Variants in STK38 observed in about 807,000 individuals in gnomAD.
The protein encoded by STK38 is serine/threonine-protein kinase 38.
A neutral mutation model predicts 59.0 loss-of-function variants in STK38; 26 were observed. That is an observed-to-expected ratio of 0.44 (90% CI 0.32 to 0.61). STK38 has a LOEUF of 0.61. STK38 is among the 20% of genes least tolerant of loss of function. STK38 has a pLI of 0.04. For synonymous variants in STK38, 175 were observed against 176.6 expected (o/e 0.99, Z 0.07); for missense variants, 433 against 566.0 (o/e 0.76, Z 2.38).
intron 2 of STK38, among the ~76,000 whole-genome samples, chr6:36,525,885 G>T (rs567713484): frequency 1.2e-4 from 18 of 152,172 alleles, no homozygotes; most frequent in African/African-American, 4.3e-4. Flanking sequence ...ACAGAGTTTT[G>T]TTCTGTCACC....
In STK38 at chr6:36,505,743, CT is replaced by C. The variant is rs148698661; in HGVS notation, c.834+839del. Among the ~76,000 whole-genome samples, 469 of 152,300 alleles carry C rather than the reference CT, an allele frequency of 3.1e-3. 1 individual carries two copies. The highest frequency in any genetic ancestry group is 0.011 in the African/African-American group (440 of 41,570). ...TCAGTTTCCCATTGCTGCTACTCTG[CT>C]TTCTAATGACCAAATGTTAGTTTGG... On this transcript the variant is annotated intron_variant, in intron 9 of 13. Coordinates refer to ENST00000229812, the MANE Select transcript of STK38 (RefSeq NM_007271.4).
rs146026624 is a variant in STK38, at chr6:36,531,413, G to A, written c.132-5771C>T. On this transcript the variant is annotated intron_variant, in intron 2 of 13. Transcript: ENST00000229812. ...AAATGTTTTGTAAAAAGAAATGCCG[G>A]TTTCTTCAGATTTGATTTCAAACTG... is the stretch of plus-strand genomic sequence containing the variant. Among the ~76,000 whole-genome samples the A allele has an allele frequency of 1.2e-3, 179 of 152,274 alleles. 3 individuals carry two copies. In the East Asian group the frequency reaches 0.03, roughly 26 times the overall value.
At chr6:36,524,307 A>G in intron 4 of STK38, 34 bp downstream of exon 4, 2 of 1,588,652 alleles carry the variant, frequency 1.3e-6, no homozygotes, top group Non-Finnish European at 1.7e-6. Flanking sequence ...GTTTTGCAAT[A>G]TTTTTCTACT....
chr6:36,525,492 G>C, intron 3 of STK38, 99 bp downstream of exon 3: 1 of 1,134,100 alleles, frequency 8.8e-7, no homozygotes, highest in East Asian at 2.5e-5. Flanking sequence ...CTGTTATTGA[G>C]CCAAAACCCT....
intron 7 of STK38, 134 bp downstream of exon 7, chr6:36,515,204 T>TAA: frequency 3.5e-5 from 32 of 905,200 alleles, no homozygotes; most frequent in Non-Finnish European, 4.4e-5. Context: ...CTTACCTGTT[T>TAA]AAAAAAAAAA....
At position 36,539,962 on chromosome 6, in the gene STK38, T is replaced by A. The variant is rs1391395959; in HGVS notation, c.131+110A>T. On this transcript the variant is annotated intron_variant, in intron 2 of 13. Transcript: ENST00000229812. ...TCACTGTCATTCCATTATGATAGTC[T>A]ATAATAAGGCTGCTACTATTCTTGT... is the stretch of plus-strand genomic sequence containing the variant. The A allele has an allele frequency of 1.3e-5, 19 of 1,513,116 alleles. No homozygotes were observed. In the Admixed American group the frequency reaches 2.9e-4, roughly 23 times the overall value. 93.7% of individuals were successfully genotyped at this position (1,513,116 alleles called of 1,614,324 possible).
chr6:36,527,191 C>CA (rs777770396), intron 2 of STK38, among the ~76,000 whole-genome samples: 3,545 of 45,770 alleles, frequency 0.077, 106 homozygotes, highest in Non-Finnish European at 0.091. Context: ...GACTCCGTCT[C>CA]AAAAAAAAAA....
chr6:36,544,015 T>C (rs1778003893), intron 1 of STK38, among the ~76,000 whole-genome samples: 1 of 152,200 alleles, frequency 6.6e-6, no homozygotes, highest in South Asian at 2.1e-4. Context: ...TTTAAATTGT[T>C]TTGTGGATTA....
chr6:36,498,401 T>G lies in STK38; in HGVS notation c.1038A>C (p.Glu346Asp). 1 of 1,614,086 alleles carries G rather than the reference T, an allele frequency of 6.2e-7. No individual in the cohort carries two copies. The highest frequency in any genetic ancestry group is 8.5e-7 in the Non-Finnish European group (1 of 1,179,984). Residue 346 changes from glutamate to aspartate, a missense_variant, in exon 11 of 14, where the codon GAA becomes GAC. Around this residue, in one of 3 missense-constraint regions of STK38, gnomAD observed 136 missense variants for 156.7 expected, o/e 0.87. Transcript: ENST00000229812. ...CCTTGGCTTTCTCAGAGATGGGAAC[T>G]TCTGGAGGAAAAGTCAAAGTTTCTT... Reference protein sequence around the residue: ...NWKETLTFPPEVPISEKAKDL... With the variant: ...NWKETLTFPPDVPISEKAKDL...
intron 9 of STK38, among the ~76,000 whole-genome samples, chr6:36,501,721 G>A (rs868504483): frequency 5.3e-5 from 8 of 151,996 alleles, no homozygotes; most frequent in African/African-American, 1.5e-4. Flanking sequence ...CACCGCAACC[G>A]GCCTTGTTTG....
In STK38 at chr6:36,495,524, C is replaced by A; in HGVS notation, c.*260G>T. On this transcript the variant is annotated 3_prime_UTR_variant, in exon 14 of 14. Coordinates refer to ENST00000229812, the MANE Select transcript of STK38 (RefSeq NM_007271.4). Reference sequence around the variant, plus strand: ...GAAAACTCAAGTTATTTTTAAAACACCTATCAAATTGGCTCATGATGCTTC... The same window carrying A: ...GAAAACTCAAGTTATTTTTAAAACAACTATCAAATTGGCTCATGATGCTTC... The A allele has an allele frequency of 5.8e-6, 2 of 347,022 alleles. No individual in the cohort carries two copies. The highest frequency in any genetic ancestry group is 5.4e-6 in the Non-Finnish European group (1 of 186,766). 21.5% of individuals were successfully genotyped at this position (347,022 alleles called of 1,614,324 possible). A position where few individuals can be genotyped will look rare whatever the true frequency, so the allele number is the denominator to read the frequency against.
intron 9 of STK38, among the ~76,000 whole-genome samples, chr6:36,503,349 A>AT (rs1221862396): frequency 5.3e-5 from 8 of 152,132 alleles, no homozygotes; most frequent in Non-Finnish European, 1.2e-4. Flanking sequence ...TTCTTTAAAA[A>AT]TTTTTAAAGT....
chr6:36,525,343 C>T (rs74368467), intron 3 of STK38, among the ~76,000 whole-genome samples: 1,971 of 152,268 alleles, frequency 0.013, 22 homozygotes, highest in Non-Finnish European at 0.019. Context: ...TTGATTTCAT[C>T]CCTGCTTTCT....
intron 1 of STK38, among the ~76,000 whole-genome samples, chr6:36,541,991 G>C (rs1035611796): frequency 1.3e-5 from 2 of 151,864 alleles, no homozygotes; most frequent in Non-Finnish European, 2.9e-5. Context: ...ACTGTGCCCA[G>C]CTAATTTTTT....
chr6:36,514,392 C>T (rs1777195760), intron 7 of STK38, among the ~76,000 whole-genome samples: 1 of 151,328 alleles, frequency 6.6e-6, no homozygotes, highest in Non-Finnish European at 1.5e-5. Context: ...AGAAAAATAC[C>T]CTAGAAAATA....
intron 11 of STK38, 59 bp from the exon 12 acceptor site, chr6:36,497,934 CT>C (rs1561970481): frequency 2.0e-6 from 2 of 1,024,042 alleles, no homozygotes; most frequent in African/African-American, 1.8e-5. Context: ...AAAAGAAAAA[CT>C]TTCTTTTTTT....
At chr6:36,500,483 C>A (rs1363920833) in intron 9 of STK38, among the ~76,000 whole-genome samples, 1 of 151,910 alleles carries the variant, frequency 6.6e-6, no homozygotes, top group Non-Finnish European at 1.5e-5. Flanking sequence ...AATATCTGGC[C>A]GGGAGTGGTG....
intron 3 of STK38, 119 bp downstream of exon 3, chr6:36,525,472 T>C: frequency 1.2e-6 from 1 of 823,608 alleles, no homozygotes; most frequent in South Asian, 1.6e-5. Flanking sequence ...ACACTACCCC[T>C]CAAGTTCCTC....
At chr6:36,531,359 T>C (rs970308923) in intron 2 of STK38, among the ~76,000 whole-genome samples, 11 of 146,966 alleles carry the variant, frequency 7.5e-5, no homozygotes, top group African/African-American at 2.8e-4. Context: ...TCCACCTAAC[T>C]AGTATTCATG....
Sources: gnomAD v4.1 joint callset for allele counts (sites outside exome capture counted in the v4.1 genomes callset) on GRCh38, gnomAD v4.1.1 for gene constraint, gnomAD v4.1.1 regional missense constraint, MANE v1.5 for transcripts, NCBI Gene and HGNC (gene_info 2026-07-23, HGNC 2026-07-21) for gene names.